Variants in SLC22A15 observed in about 807,000 individuals in gnomAD.
SLC22A15 encodes solute carrier family 22 member 15.
In SLC22A15, 45 loss-of-function variants were observed where a neutral mutation model predicts 62.7. That is an observed-to-expected ratio of 0.72 (90% CI 0.56 to 0.92). The LOEUF (loss-of-function observed/expected upper bound fraction) is 0.92. Ranked by LOEUF, SLC22A15 falls within the 40% of genes least tolerant of loss-of-function variation. The pLI is 0.00. For missense variants in SLC22A15, 622 were observed against 665.6 expected (o/e 0.93, Z 0.72); for synonymous variants, 264 against 267.0 (o/e 0.99, Z 0.11).
intron 2 of SLC22A15, among the ~76,000 whole-genome samples, chr1:116,009,871 T>A (rs943676495): frequency 6.6e-6 from 1 of 152,136 alleles, no homozygotes; most frequent in Non-Finnish European, 1.5e-5. Context: ...CACATAAAAT[T>A]TTGGAAGATA....
intron 1 of SLC22A15, among the ~76,000 whole-genome samples, chr1:115,987,119 A>G (rs1357909393): frequency 6.6e-6 from 1 of 151,968 alleles, no homozygotes; most frequent in East Asian, 1.9e-4. Flanking sequence ...GAAGAGTTTC[A>G]TGAGGAGTTT....
chr1:116,058,381 T>C (rs535805202), intron 8 of SLC22A15, among the ~76,000 whole-genome samples: 2 of 152,264 alleles, frequency 1.3e-5, no homozygotes, highest in South Asian at 2.1e-4. Context: ...ACATCACTAA[T>C]GATCAGGGAA....
intron 1 of SLC22A15, among the ~76,000 whole-genome samples, chr1:115,989,304 T>C (rs1444738906): frequency 6.6e-6 from 1 of 152,236 alleles, no homozygotes; most frequent in Non-Finnish European, 1.5e-5. Flanking sequence ...TAGATTTCAC[T>C]ATTCCCTACA....
At chr1:116,050,025 C>G (rs1225732167) in intron 8 of SLC22A15, among the ~76,000 whole-genome samples, 1 of 152,074 alleles carries the variant, frequency 6.6e-6, no homozygotes, top group Non-Finnish European at 1.5e-5. Context: ...TGGAAAAATA[C>G]AACCCTCCTA....
rs774462034 is a variant in SLC22A15, at chr1:116,062,753, C to A, written c.1172-9C>A. ...TGGGTCTCACAGGCATTGCCCTTGT[C>A]CTCCTCAGACACAGGTGTGTTTGCA... is the stretch of plus-strand genomic sequence containing the variant. On this transcript the variant is annotated splice_polypyrimidine_tract_variant and intron_variant, in intron 8 of 11. Transcript: ENST00000369503. The A allele has an allele frequency of 6.2e-6, 10 of 1,613,740 alleles. No homozygotes were observed. The Admixed American group carries it at 1.7e-4, about 27-fold the overall frequency.
chr1:116,029,203 A>T (rs1657271969), intron 5 of SLC22A15, among the ~76,000 whole-genome samples: 1 of 152,166 alleles, frequency 6.6e-6, no homozygotes, highest in Non-Finnish European at 1.5e-5. Flanking sequence ...CACATTATAT[A>T]CCTTATTTGT....
At position 116,027,061 on chromosome 1, in the gene SLC22A15, C is replaced by T. The variant is rs149497759; in HGVS notation, c.728+39C>T. Reference sequence around the variant, plus strand: ...CCTCTTAGAGTTTTAATTTAAAAAGCCAAAGCAATGTCTTAAGAGGATGTG... The same window carrying T: ...CCTCTTAGAGTTTTAATTTAAAAAGTCAAAGCAATGTCTTAAGAGGATGTG... On this transcript the variant is annotated intron_variant, in intron 5 of 11. Coordinates refer to ENST00000369503, the MANE Select transcript of SLC22A15 (RefSeq NM_018420.3). 4.3e-5 allele frequency: 69 copies of T among 1,593,552 alleles called. 1 individual carries two copies. In the Admixed American group the frequency reaches 1.1e-3, roughly 26 times the overall value.
chr1:116,062,693 A>C (rs557938160), intron 8 of SLC22A15, 69 bp from the exon 9 acceptor site: 1 of 1,591,424 alleles, frequency 6.3e-7, no homozygotes, highest in South Asian at 1.1e-5. Context: ...CTCCATCAAA[A>C]TGAAATGTGC....
In SLC22A15 at chr1:116,016,769, A is replaced by T. The variant is rs140871561; in HGVS notation, c.301-2813A>T. 2.0e-3 allele frequency among the ~76,000 whole-genome samples: 297 copies of T among 151,788 alleles called. 1 individual carries two copies. Among genetic ancestry groups the T allele is most frequent in the Middle Eastern group, 6.8e-3 (2 of 294 alleles). ...TTAGGTGACTCTTCCATTCGTTCCT[A>T]CTCCTACTGCATCTCCATCACAACA... On this transcript the variant is annotated intron_variant, in intron 2 of 11. Transcript: ENST00000369503.
chr1:116,012,461 C>T (rs1397841945), intron 2 of SLC22A15, among the ~76,000 whole-genome samples: 2 of 152,010 alleles, frequency 1.3e-5, no homozygotes, highest in Non-Finnish European at 1.5e-5. Flanking sequence ...TGCTCTAATA[C>T]AGTAGGGAAG....
chr1:116,010,922 G>A (rs889769803), intron 2 of SLC22A15, among the ~76,000 whole-genome samples: 5 of 152,308 alleles, frequency 3.3e-5, no homozygotes, highest in Admixed American at 2.0e-4. Context: ...CAATAGGCAC[G>A]GGCCCAGTCT....
intron 2 of SLC22A15, 57 bp from the exon 3 acceptor site, chr1:116,019,525 G>A (rs887152906): frequency 1.4e-5 from 21 of 1,518,960 alleles, no homozygotes; most frequent in Non-Finnish European, 1.8e-5. Flanking sequence ...TGCACATTTG[G>A]TTTTTTAATA....
intron 2 of SLC22A15, among the ~76,000 whole-genome samples, chr1:115,999,640 A>G (rs1655616414): frequency 6.6e-6 from 1 of 151,772 alleles, no homozygotes; most frequent in Non-Finnish European, 1.5e-5. Flanking sequence ...AGTAGCTGGG[A>G]CTAAAGGTGT....
chr1:116,048,703 G>A (rs538609524), intron 8 of SLC22A15, among the ~76,000 whole-genome samples: 160 of 152,134 alleles, frequency 1.1e-3, no homozygotes, highest in African/African-American at 3.8e-3. Flanking sequence ...AAAACCCAAG[G>A]TAGACAGGCA....
chr1:116,060,993 T>A (rs1446920480), intron 8 of SLC22A15, among the ~76,000 whole-genome samples: 1 of 152,218 alleles, frequency 6.6e-6, no homozygotes, highest in Non-Finnish European at 1.5e-5. Context: ...ACTTATTTTT[T>A]GGACTGGGGC....
Position 116,024,865 on chromosome 1 carries a change from A to G in SLC22A15, c.599-2028A>G, listed in dbSNP as rs142237119. On this transcript the variant is annotated intron_variant, in intron 4 of 11. Transcript: ENST00000369503. ...TGCAGTTAGAGGAACTATACTTGGC[A>G]GGCCCCATTTGAACCACAGAGATGA... 5.1e-3 allele frequency among the ~76,000 whole-genome samples: 779 copies of G among 152,284 alleles called. 7 individuals carry two copies. The highest frequency in any genetic ancestry group is 0.018 in the African/African-American group (732 of 41,548).
At chr1:115,979,770 G>A (rs562999315) in intron 1 of SLC22A15, among the ~76,000 whole-genome samples, 7 of 152,156 alleles carry the variant, frequency 4.6e-5, no homozygotes, top group African/African-American at 1.7e-4. Context: ...GAAAATGGAC[G>A]TTACTTCTTT....
intron 8 of SLC22A15, among the ~76,000 whole-genome samples, chr1:116,042,062 G>A: frequency 6.9e-6 from 1 of 145,786 alleles, no homozygotes. Context: ...AGACTTAAAG[G>A]AACAATAAAG....
chr1:116,024,779 A>G (rs754273989), intron 4 of SLC22A15, among the ~76,000 whole-genome samples: 13 of 152,258 alleles, frequency 8.5e-5, no homozygotes, highest in African/African-American at 1.9e-4. Context: ...CAGCAGCTCC[A>G]AGTCTAGTAT....
Sources: gnomAD v4.1 joint callset for allele counts (sites outside exome capture counted in the v4.1 genomes callset) on GRCh38, gnomAD v4.1.1 for gene constraint, MANE v1.5 for transcripts, NCBI Gene and HGNC (gene_info 2026-07-23, HGNC 2026-07-21) for gene names.